The following DENND2B variants were observed in gnomAD, a reference collection of about 807,000 sequenced individuals.
DENND2B encodes DENN domain-containing protein 2B.
A neutral mutation model predicts 116.0 loss-of-function variants in DENND2B; 32 were observed. The ratio of observed to expected loss-of-function variants is 0.28; its 90% CI spans 0.21 to 0.37. The LOEUF (loss-of-function observed/expected upper bound fraction) is 0.37. Ranked by LOEUF, DENND2B falls within the 10% of genes least tolerant of loss-of-function variation. The pLI is 1.00. For missense variants in DENND2B, 1,276 were observed against 1,477.7 expected (o/e 0.86, Z 2.24); for synonymous variants, 588 against 583.9 (o/e 1.01, Z -0.10).
At chr11:8,718,483 C>T in intron 4 of DENND2B, 2 of 1,481,812 alleles carry the variant, frequency 1.3e-6, no homozygotes, top group Non-Finnish European at 1.8e-6. Context: ...TTCACTGAGG[C>T]AACCTCGGAA....
At chr11:8,889,982 A>G (rs2134741312) in intron 1 of DENND2B, among the ~76,000 whole-genome samples, 1 of 152,258 alleles carries the variant, frequency 6.6e-6, no homozygotes, top group South Asian at 2.1e-4. Context: ...CCTAACTGGG[A>G]GGCACCCCCC....
At chr11:8,876,664 G>A (rs1193594265) in intron 2 of DENND2B, among the ~76,000 whole-genome samples, 1 of 151,636 alleles carries the variant, frequency 6.6e-6, no homozygotes, top group Non-Finnish European at 1.5e-5. Context: ...ATCACCTGAG[G>A]TCAGGAGTTC....
chr11:8,694,538 CAGAA>C (rs1346994901), intron 19 of DENND2B: 1 of 460,156 alleles, frequency 2.2e-6, no homozygotes, highest in South Asian at 1.6e-5. Context: ...GGAGTGCAAA[CAGAA>C]AGACCTGATG....
intron 1 of DENND2B, among the ~76,000 whole-genome samples, chr11:8,751,252 C>T (rs2052408346): frequency 6.6e-6 from 1 of 152,072 alleles, no homozygotes; most frequent in Non-Finnish European, 1.5e-5. Flanking sequence ...CTGTCTAGCT[C>T]AGGGTTTGTA....
intron 3 of DENND2B, among the ~76,000 whole-genome samples, chr11:8,729,518 A>T (rs2047721513): frequency 6.6e-6 from 1 of 152,246 alleles, no homozygotes; most frequent in African/African-American, 2.4e-5. Context: ...GATAAAATGC[A>T]GTATTCAGAT....
intron 4 of DENND2B, among the ~76,000 whole-genome samples, chr11:8,834,673 A>G (rs949719011): frequency 1.3e-5 from 2 of 152,194 alleles, no homozygotes; most frequent in Admixed American, 1.3e-4. Context: ...CTTCCTCTTC[A>G]TGCAATGGGA....
intron 17 of DENND2B, among the ~76,000 whole-genome samples, chr11:8,697,061 C>T (rs1037847813): frequency 9.2e-5 from 14 of 152,246 alleles, no homozygotes; most frequent in African/African-American, 1.9e-4. Flanking sequence ...CCACCACACC[C>T]GGCCTCTGGA....
rs546678765 is a variant in DENND2B at position 8,722,547 on chromosome 11, AC to A, written c.1477+3525del. On this transcript the variant is annotated intron_variant, in intron 4 of 19. Transcript: ENST00000313726. ...GCCATTCTGAGTTCAGCAATAAGAC[AC>A]CCCCTGAAGCCTTGTGGGGAGCTCC... Among the ~76,000 whole-genome samples, 1,060 of 151,478 alleles carry A rather than the reference AC, an allele frequency of 7.0e-3. 14 individuals are homozygous for A. The highest frequency in any genetic ancestry group is 9.9e-3 in the Non-Finnish European group (670 of 67,848).
chr11:8,774,863 GT>G lies in DENND2B; in HGVS notation c.-25-24139del, dbSNP rs764878186. On this transcript the variant is annotated intron_variant, in intron 1 of 19. Transcript: ENST00000313726. ...CTATCTAGGTCTTCTTATTTTTTTC[GT>G]TTTTTTTTTTTAATTATTATTTTCA... 3.7e-3 allele frequency among the ~76,000 whole-genome samples: 510 copies of G among 137,808 alleles called. 7 individuals are homozygous for G. Among genetic ancestry groups the G allele is most frequent in the African/African-American group, 0.011 (377 of 34,036 alleles). 90.4% of individuals were successfully genotyped at this position (137,808 alleles called of 152,430 possible). A position where few individuals can be genotyped will look rare whatever the true frequency, so the allele number is the denominator to read the frequency against.
chr11:8,827,299 C>T (rs544648330), intron 4 of DENND2B, among the ~76,000 whole-genome samples: 4 of 152,336 alleles, frequency 2.6e-5, no homozygotes, highest in African/African-American at 7.2e-5. Flanking sequence ...GTCCCCCGCA[C>T]AGCTAGTGCC....
chr11:8,858,545 T>C (rs1313586301), intron 2 of DENND2B, among the ~76,000 whole-genome samples: 1 of 151,836 alleles, frequency 6.6e-6, no homozygotes, highest in Non-Finnish European at 1.5e-5. Context: ...ACAGAAGAGA[T>C]GGGAGGAAGG....
intron 1 of DENND2B, chr11:8,794,659 C>G (rs900312616): frequency 1.2e-4 from 18 of 152,292 alleles, no homozygotes; most frequent in African/African-American, 3.6e-4. Flanking sequence ...GACAGGGCAG[C>G]TGACATTGAC....
At chr11:8,847,454 C>T (rs1484903306) in intron 3 of DENND2B, among the ~76,000 whole-genome samples, 1 of 152,144 alleles carries the variant, frequency 6.6e-6, no homozygotes, top group East Asian at 1.9e-4. Flanking sequence ...GAATTTCTCA[C>T]AAATCTCAGT....
At chr11:8,832,251 G>A (rs1223471864) in intron 4 of DENND2B, among the ~76,000 whole-genome samples, 1 of 152,128 alleles carries the variant, frequency 6.6e-6, no homozygotes, top group Non-Finnish European at 1.5e-5. Context: ...AAGAGATCAA[G>A]ACCATCCTGG....
At chr11:8,728,314 T>A (rs987927954) in intron 3 of DENND2B, among the ~76,000 whole-genome samples, 13 of 152,220 alleles carry the variant, frequency 8.5e-5, no homozygotes, top group African/African-American at 1.7e-4. Flanking sequence ...GCATTTTTTT[T>A]AAAATAAAAA....
intron 1 of DENND2B, among the ~76,000 whole-genome samples, chr11:8,896,945 T>C (rs1254155192): frequency 1.3e-5 from 2 of 152,214 alleles, no homozygotes; most frequent in South Asian, 2.1e-4. Context: ...TTTCAGGATT[T>C]TGAAAACTGA....
chr11:8,881,605 G>A (rs145988394), intron 1 of DENND2B, among the ~76,000 whole-genome samples: 12,042 of 152,098 alleles, frequency 0.079, 683 homozygotes, highest in East Asian at 0.23. Context: ...GCATGATCTC[G>A]GCCCACTGCA....
At chr11:8,703,658 G>GTAA (rs1157790948) in intron 13 of DENND2B, 1 of 152,290 alleles carries the variant, frequency 6.6e-6, no homozygotes, top group Non-Finnish European at 1.5e-5. Context: ...GGCATCAAAG[G>GTAA]TAATGCTTTA....
At chr11:8,819,577 A>T (rs951676039) in intron 4 of DENND2B, among the ~76,000 whole-genome samples, 2 of 152,212 alleles carry the variant, frequency 1.3e-5, no homozygotes, top group African/African-American at 4.8e-5. Flanking sequence ...GACACCACGT[A>T]CCCCGATACC....
Sources: gnomAD v4.1 joint callset for allele counts (sites outside exome capture counted in the v4.1 genomes callset) on GRCh38, gnomAD v4.1.1 for gene constraint, MANE v1.5 for transcripts, NCBI Gene and HGNC (gene_info 2026-07-23, HGNC 2026-07-21) for gene names.